Variants in ZNF544 observed in about 807,000 individuals in gnomAD.
ZNF544 encodes zinc finger protein AF020591.
ZNF544 carries 10 observed loss-of-function variants against 13.5 expected under a neutral mutation model. That is an observed-to-expected ratio of 0.74 (90% CI 0.46 to 1.25). The LOEUF (loss-of-function observed/expected upper bound fraction) is 1.25, where lower values mean the gene tolerates loss of function less well. Among genes scored for constraint, ZNF544 ranks in the 50% most tolerant of loss-of-function variants. The pLI, the probability that ZNF544 is intolerant of heterozygous loss-of-function variation, is 0.00. For synonymous variants in ZNF544, 323 were observed against 300.5 expected (o/e 1.07, Z -0.77); for missense variants, 896 against 845.6 (o/e 1.06, Z -0.74).
chr19:58,234,502 G>A (rs540809402), intron 3 of ZNF544, among the ~76,000 whole-genome samples: 1 of 152,382 alleles, frequency 6.6e-6, no homozygotes, highest in South Asian at 2.1e-4. Context: ...CTGGAGCCTG[G>A]CACTTGGAGT....
At chr19:58,252,716 C>T (rs2046482789) in intron 6 of ZNF544, among the ~76,000 whole-genome samples, 1 of 152,204 alleles carries the variant, frequency 6.6e-6, no homozygotes, top group African/African-American at 2.4e-5. Flanking sequence ...CCCTAAAAAG[C>T]AAGAAATCCT....
At chr19:58,257,802 TAGC>T (rs1170764550) in intron 6 of ZNF544, 2 of 152,266 alleles carry the variant, frequency 1.3e-5, no homozygotes, top group Admixed American at 6.5e-5. Flanking sequence ...ATTCACTACG[TAGC>T]CTTTTCCGAC....
chr19:58,234,765 A>G (rs1039608515), intron 3 of ZNF544, among the ~76,000 whole-genome samples: 19 of 152,266 alleles, frequency 1.2e-4, no homozygotes, highest in African/African-American at 4.1e-4. Context: ...AAATATTCAG[A>G]AACATTAAAC....
intron 3 of ZNF544, chr19:58,231,765 T>C (rs997693325): frequency 6.6e-6 from 1 of 152,306 alleles, no homozygotes; most frequent in East Asian, 1.9e-4. Context: ...ACCTCTCTTT[T>C]TCGTAGGTCT....
At position 58,261,787 on chromosome 19, in the gene ZNF544, A is replaced by G; in HGVS notation, c.1181A>G (p.Asp394Gly). Residue 394 changes from aspartate to glycine, a missense_variant, in exon 7 of 7, where the codon GAC becomes GGC. By Grantham distance (94) the Asp-to-Gly change is moderately conservative. Coordinates refer to ENST00000687789, the MANE Select transcript of ZNF544 (RefSeq NM_014480.4). ...GGGAAATCTTTTAGCCAGAGCTATG[A>G]CCTTGTCATACATCAGAGGACACAC... ...QCGKSFSQSY[D>G]LVIHQRTHTG... The G allele has an allele frequency of 6.2e-7, 1 of 1,614,178 alleles. No homozygotes were observed. Among genetic ancestry groups the G allele is most frequent in the South Asian group, 1.1e-5 (1 of 91,086 alleles).
rs2048952751 is a variant in ZNF544, at chr19:58,261,558, A to C, written c.952A>C (p.Arg318=). 6.2e-7 allele frequency: 1 copy of C among 1,614,086 alleles called. No homozygotes were observed. The highest frequency in any genetic ancestry group is 1.7e-5 in the Admixed American group (1 of 59,986). Residue 318 remains arginine, a synonymous_variant, in exon 7 of 7, where the codon AGA becomes CGA. Coordinates refer to ENST00000687789, the MANE Select transcript of ZNF544 (RefSeq NM_014480.4). ...SESLCLVQTE[R]SGPGETPFRC... The stretch of plus-strand genomic sequence containing the variant: ...GAGTCTGTGCCTTGTACAAACAGAA[A>C]GAAGTGGCCCTGGAGAGACCCCCTT...
intron 3 of ZNF544, among the ~76,000 whole-genome samples, chr19:58,242,985 G>A (rs1238394265): frequency 2.0e-5 from 3 of 151,956 alleles, no homozygotes; most frequent in African/African-American, 4.8e-5. Flanking sequence ...GTGAGCCACC[G>A]CACCTGGCTG....
intron 3 of ZNF544, among the ~76,000 whole-genome samples, chr19:58,242,489 G>T (rs979657033): frequency 2.6e-5 from 4 of 151,262 alleles, no homozygotes; most frequent in Admixed American, 2.0e-4. Flanking sequence ...GCCTTTATCT[G>T]CTCTTCTAGC....
chr19:58,276,561 A>G (rs546337631), intron 6 of ZNF544: 618 of 427,544 alleles, frequency 1.4e-3, no homozygotes, highest in Admixed American at 3.0e-3. Flanking sequence ...TCCGCCTCCC[A>G]GTTTCAAGCG....
At chr19:58,235,576 T>C (rs776529303) in intron 3 of ZNF544, among the ~76,000 whole-genome samples, 1 of 152,220 alleles carries the variant, frequency 6.6e-6, no homozygotes, top group African/African-American at 2.4e-5. Context: ...TAATCTCTTA[T>C]ATGCTTGAAA....
chr19:58,263,737 G>A (rs540799816), downstream of ZNF544: 47 of 265,182 alleles, frequency 1.8e-4, no homozygotes, highest in Middle Eastern at 5.6e-3. Context: ...GAGGTGGGTG[G>A]ATCACCTGAA....
chr19:58,231,432 G>GA (rs1243220341), intron 3 of ZNF544, among the ~76,000 whole-genome samples: 1 of 152,208 alleles, frequency 6.6e-6, no homozygotes, highest in Non-Finnish European at 1.5e-5. Flanking sequence ...TCAGGCAGAG[G>GA]ACAGGGTACA....
rs758982574 is a variant in ZNF544 at position 58,262,521 on chromosome 19, A to G, written c.1915A>G (p.Lys639Glu). ...EKPYKCNQCN[K>E]AFARSSYLVM... ...GCCGTACAAATGCAATCAGTGCAAT[A>G]AAGCCTTTGCAAGGAGCTCCTACCT... Residue 639 changes from lysine to glutamate, a missense_variant, in exon 7 of 7, where the codon AAA becomes GAA. Coordinates refer to ENST00000687789, the MANE Select transcript of ZNF544 (RefSeq NM_014480.4). 20 of 1,614,112 alleles carry G rather than the reference A, an allele frequency of 1.2e-5. 1 individual carries two copies. The South Asian group carries it at 2.1e-4, about 17-fold the overall frequency.
At chr19:58,254,898 CT>C (rs1568486344) in intron 6 of ZNF544, among the ~76,000 whole-genome samples, 1 of 102,216 alleles carries the variant, frequency 9.8e-6, no homozygotes, top group Admixed American at 1.0e-4. Flanking sequence ...CAGAGTTTTT[CT>C]TTTTTTGAGA....
chr19:58,262,134 C>A lies in ZNF544; in HGVS notation c.1528C>A (p.His510Asn). 1 of 1,613,424 alleles carries A rather than the reference C, an allele frequency of 6.2e-7. No homozygotes were observed. The highest frequency in any genetic ancestry group is 2.2e-5 in the East Asian group (1 of 44,816). The change falls in exon 7 of 7, where the codon CAT (histidine) becomes AAT (asparagine). Residue 510 changes from histidine to asparagine, a missense_variant. Physicochemically the swap from His to Asn is moderately conservative, Grantham distance 68. Transcript: ENST00000687789. The part of the protein sequence containing the change: ...SFSQKYDLVV[H>N]QRTHTGEKPY... ...CAGCCAGAAGTATGACCTTGTTGTA[C>A]ATCAGAGGACACACACTGGAGAGAA... is the stretch of plus-strand genomic sequence containing the variant.
In ZNF544 at chr19:58,261,787, A is replaced by T; in HGVS notation, c.1181A>T (p.Asp394Val). Reference protein sequence around the residue: ...QCGKSFSQSYDLVIHQRTHTG... With the variant: ...QCGKSFSQSYVLVIHQRTHTG... ...GGGAAATCTTTTAGCCAGAGCTATG[A>T]CCTTGTCATACATCAGAGGACACAC... The change falls in exon 7 of 7, where the codon GAC (aspartate) becomes GTC (valine). Residue 394 changes from aspartate (D) to valine (V), a missense_variant. By Grantham distance (152) the Asp-to-Val change is radical. Coordinates refer to ENST00000687789, the MANE Select transcript of ZNF544 (RefSeq NM_014480.4). 6.2e-7 allele frequency: 1 copy of T among 1,614,178 alleles called. No homozygotes were observed. Among genetic ancestry groups the T allele is most frequent in the Non-Finnish European group, 8.5e-7 (1 of 1,180,030 alleles).
rs1475666382 is a variant in ZNF544, at chr19:58,261,041, C to T, written c.435C>T (p.Leu145=). 1.2e-6 allele frequency: 2 copies of T among 1,614,044 alleles called. No individual in the cohort carries two copies. The highest frequency in any genetic ancestry group is 1.7e-6 in the Non-Finnish European group (2 of 1,179,996). Reference sequence around the variant, plus strand: ...AGAACTCCTTGAGGTTCATGGTACTCACCTCAGAGAGACTGTTTGCTCAAA... The same window carrying T: ...AGAACTCCTTGAGGTTCATGGTACTTACCTCAGAGAGACTGTTTGCTCAAA... The part of the protein sequence containing the change: ...HQENSLRFMV[L]TSERLFAQRE... Residue 145 remains leucine (L), a synonymous_variant, in exon 7 of 7, where the codon CTC becomes CTT. Transcript: ENST00000687789.
In ZNF544 at chr19:58,262,789, G is replaced by GGAGAC. The variant is rs1417395015; in HGVS notation, c.*36_*37insAGACG. 2 of 1,558,688 alleles carry GGAGAC rather than the reference G, an allele frequency of 1.3e-6. No homozygotes were observed. The highest frequency in any genetic ancestry group is 2.7e-5 in the African/African-American group (2 of 73,334). On this transcript the variant is annotated 3_prime_UTR_variant, in exon 7 of 7. Transcript: ENST00000687789. The stretch of plus-strand genomic sequence containing the variant: ...CATTGTGGGAAAGCTTTCATCCAGA[G>GGAGAC]GTCTCCCCTCATCATGCACCAGAGG...
At position 58,261,971 on chromosome 19, in the gene ZNF544, G is replaced by C. The variant is rs767392288; in HGVS notation, c.1365G>C (p.Gln455His). ...GGAACTCTAACCTCATTGTACATCA[G>C]AGAATTCATACTGGAGAGAAACCGT... ...FRWNSNLIVHQRIHTGEKPYE... is the reference protein window; with the variant it reads ...FRWNSNLIVHHRIHTGEKPYE... Residue 455 changes from glutamine to histidine, a missense_variant, in exon 7 of 7, where the codon CAG (glutamine) becomes CAC (histidine). By Grantham distance (24) the Gln-to-His change is conservative (BLOSUM62 0). Transcript: ENST00000687789. The C allele has an allele frequency of 1.9e-6, 3 of 1,613,816 alleles. No individual in the cohort carries two copies. Among genetic ancestry groups the C allele is most frequent in the Non-Finnish European group, 2.5e-6 (3 of 1,179,982 alleles).
Sources: allele counts gnomAD v4.1 joint callset (sites outside exome capture counted in the v4.1 genomes callset), GRCh38; gene constraint gnomAD v4.1.1; transcripts MANE v1.5; gene names NCBI Gene and HGNC (gene_info 2026-07-23, HGNC 2026-07-21).